The following EXT1 variants were observed in gnomAD, a reference collection of about 807,000 sequenced individuals.
EXT1 encodes the protein exostosin glycosyltransferase 1.
EXT1 carries 20 observed loss-of-function variants against 82.5 expected under a neutral mutation model. That is an observed-to-expected ratio of 0.24 (90% confidence interval 0.17 to 0.35). The LOEUF (loss-of-function observed/expected upper bound fraction) is 0.35, where lower values mean the gene tolerates loss of function less well. EXT1 is among the 10% of genes least tolerant of loss of function. The probability of loss-of-function intolerance (pLI) is 1.00; values close to 1 mark genes in which losing one functional copy is unlikely to be tolerated. For synonymous variants in EXT1, 348 were observed against 350.8 expected (o/e 0.99, Z 0.09); for missense variants, 757 against 936.5 (o/e 0.81, Z 2.50).
chr8:117,931,268 C>G lies in EXT1; in HGVS notation c.963-94067G>C, dbSNP rs554649119. Among the ~76,000 whole-genome samples, 16 of 152,332 alleles carry G rather than the reference C, an allele frequency of 1.1e-4. No homozygotes were observed. In the South Asian group the frequency reaches 3.3e-3, roughly 32 times the overall value. ...CTCTCACAAGATCCAAGAACTCTCA[C>G]TTGGCGTCTAGATGGAGGCCCCTTT... is the stretch of plus-strand genomic sequence containing the variant. On this transcript the variant is annotated intron_variant, in intron 1 of 10. Coordinates refer to ENST00000378204, the MANE Select transcript of EXT1 (RefSeq NM_000127.3).
Position 117,916,618 on chromosome 8 carries a change from C to T in EXT1, c.963-79417G>A, listed in dbSNP as rs1184223759. Among the ~76,000 whole-genome samples the T allele has an allele frequency of 3.9e-5, 6 of 152,138 alleles. No individual in the cohort carries two copies. The East Asian group carries it at 9.6e-4, about 24-fold the overall frequency. ...GTTCAGATTTCAGTTTAAAGTTTAA[C>T]AATACTGTTTAAGGATGGGTGCAGT... On this transcript the variant is annotated intron_variant, in intron 1 of 10. Coordinates refer to ENST00000378204, the MANE Select transcript of EXT1 (RefSeq NM_000127.3).
chr8:118,055,696 A>G (rs1343910581), intron 1 of EXT1, among the ~76,000 whole-genome samples: 3 of 152,228 alleles, frequency 2.0e-5, no homozygotes, highest in Non-Finnish European at 4.4e-5. Flanking sequence ...TATAAAATCA[A>G]TATAATAGAG....
Position 117,830,226 on chromosome 8 carries a change from T to C in EXT1, c.1284+4A>G. The C allele has an allele frequency of 6.2e-7, 1 of 1,613,966 alleles. No individual in the cohort carries two copies. The highest frequency in any genetic ancestry group is 8.5e-7 in the Non-Finnish European group (1 of 1,179,976). ...AAGCCCAAGAGCCAAGTGGTCTCAC[T>C]TACCTCTAGTGTAGTTAATACAATC... is the stretch of plus-strand genomic sequence containing the variant. On this transcript the variant is annotated splice_donor_region_variant and intron_variant, in intron 4 of 10. Coordinates refer to ENST00000378204, the MANE Select transcript of EXT1 (RefSeq NM_000127.3).
intron 1 of EXT1, among the ~76,000 whole-genome samples, chr8:118,023,069 G>T (rs1024535619): frequency 1.3e-5 from 2 of 152,138 alleles, no homozygotes; most frequent in Non-Finnish European, 2.9e-5. Context: ...TCAAGGCAAG[G>T]TCCCAATATT....
rs1330631748 is a variant in EXT1, at chr8:117,980,698, G to GTT, written c.962+129385_962+129386dup. Among the ~76,000 whole-genome samples the GTT allele has an allele frequency of 4.6e-5, 2 of 43,850 alleles. 1 individual carries two copies. Among genetic ancestry groups the GTT allele is most frequent in the Non-Finnish European group, 8.5e-5 (2 of 23,456 alleles). The allele number at this position is 43,850 out of a possible 152,430, so 28.8% of individuals were successfully genotyped here. A position where few individuals can be genotyped will look rare whatever the true frequency, so the allele number is the denominator to read the frequency against. On this transcript the variant is annotated intron_variant, in intron 1 of 10. Transcript: ENST00000378204. Reference sequence around the variant, plus strand: ...AGGTTTGTTTGTTCGGGTGTTGGTGGTTTTTTTTTTTTTTTTTTTTTTTTT... The same window carrying GTT: ...AGGTTTGTTTGTTCGGGTGTTGGTGGTTTTTTTTTTTTTTTTTTTTTTTTTTT...
intron 8 of EXT1, among the ~76,000 whole-genome samples, chr8:117,810,788 C>A (rs1586992044): frequency 6.6e-6 from 1 of 152,096 alleles, no homozygotes; most frequent in African/African-American, 2.4e-5. Flanking sequence ...GATAATGGAC[C>A]CCTATGGACT....
rs772967641 is a variant in EXT1 at position 118,110,300 on chromosome 8, C to T, written c.747G>A (p.Gly249=). 8 of 1,614,014 alleles carry T rather than the reference C, an allele frequency of 5.0e-6. No homozygotes were observed. The highest frequency in any genetic ancestry group is 3.3e-5 in the Admixed American group (2 of 60,008). The change falls in exon 1 of 11, where the codon GGG becomes GGA. Residue 249 remains glycine (G), a synonymous_variant. Coordinates refer to ENST00000378204, the MANE Select transcript of EXT1 (RefSeq NM_000127.3). Reference sequence around the variant, plus strand: ...GAGGGATGGTGTTGAACTTCAAAAACCCCCTCTCCCCTCCTGTCCTGGGAT... The same window carrying T: ...GAGGGATGGTGTTGAACTTCAAAAATCCCCTCTCCCCTCCTGTCCTGGGAT... ...KDHPRTGGER[G]FLKFNTIPPL...
chr8:117,919,695 G>A (rs531053383), intron 1 of EXT1, among the ~76,000 whole-genome samples: 1 of 152,030 alleles, frequency 6.6e-6, no homozygotes, highest in East Asian at 1.9e-4. Context: ...TGTAGAGATG[G>A]GATCTTGCCA....
At position 118,023,833 on chromosome 8, in the gene EXT1, G is replaced by A. The variant is rs112297245; in HGVS notation, c.962+86252C>T. Among the ~76,000 whole-genome samples the A allele has an allele frequency of 2.6e-3, 393 of 152,328 alleles. 3 individuals are homozygous for A. Among genetic ancestry groups the A allele is most frequent in the South Asian group, 0.016 (79 of 4,826 alleles). On this transcript the variant is annotated intron_variant, in intron 1 of 10. Coordinates refer to ENST00000378204, the MANE Select transcript of EXT1 (RefSeq NM_000127.3). ...AAGACTTGAGCACAGATACAGAGCCGCTCATTAACGATAATGCCAGTTCCA... is the reference window on the plus strand; with the variant it reads ...AAGACTTGAGCACAGATACAGAGCCACTCATTAACGATAATGCCAGTTCCA...
At chr8:117,845,092 AAG>A (rs1406334585) in intron 1 of EXT1, among the ~76,000 whole-genome samples, 1 of 152,188 alleles carries the variant, frequency 6.6e-6, no homozygotes, top group Non-Finnish European at 1.5e-5. Flanking sequence ...CTTTCCACAG[AAG>A]AGAGTCTCCT....
chr8:118,053,415 A>G (rs1421948063), intron 1 of EXT1, among the ~76,000 whole-genome samples: 2 of 152,192 alleles, frequency 1.3e-5, no homozygotes, highest in Non-Finnish European at 2.9e-5. Flanking sequence ...CTTCACTTTT[A>G]CATTATAATC....
intron 5 of EXT1, among the ~76,000 whole-genome samples, chr8:117,821,603 T>G (rs898844220): frequency 6.6e-6 from 1 of 152,240 alleles, no homozygotes; most frequent in African/African-American, 2.4e-5. Context: ...CTTCAGGCCA[T>G]GCATTTCTTT....
chr8:117,967,276 T>C (rs1477811974), intron 1 of EXT1, among the ~76,000 whole-genome samples: 1 of 152,238 alleles, frequency 6.6e-6, no homozygotes, highest in African/African-American at 2.4e-5. Flanking sequence ...TGCACCTGAA[T>C]GTCTGAGGAA....
chr8:117,926,672 T>C (rs1404066046), intron 1 of EXT1, among the ~76,000 whole-genome samples: 1 of 152,158 alleles, frequency 6.6e-6, no homozygotes, highest in African/African-American at 2.4e-5. Flanking sequence ...CGAAGCCACA[T>C]AGCGGATGAC....
chr8:117,930,619 A>G (rs1814041164), intron 1 of EXT1, among the ~76,000 whole-genome samples: 1 of 152,230 alleles, frequency 6.6e-6, no homozygotes, highest in Non-Finnish European at 1.5e-5. Flanking sequence ...CTATATTTAT[A>G]TAAGTAACAT....
intron 1 of EXT1, among the ~76,000 whole-genome samples, chr8:118,022,897 G>C (rs930293962): frequency 2.2e-4 from 33 of 152,162 alleles, no homozygotes; most frequent in African/African-American, 7.7e-4. Flanking sequence ...AACATTCACA[G>C]TATAAGGCTT....
intron 1 of EXT1, among the ~76,000 whole-genome samples, chr8:117,845,133 C>T (rs1315063143): frequency 1.3e-5 from 2 of 152,132 alleles, no homozygotes; most frequent in African/African-American, 4.8e-5. Flanking sequence ...TCCATTTCAG[C>T]ATAGGGAAGG....
intron 1 of EXT1, among the ~76,000 whole-genome samples, chr8:117,869,267 A>C (rs1812829140): frequency 6.6e-6 from 1 of 152,224 alleles, no homozygotes; most frequent in Non-Finnish European, 1.5e-5. Context: ...TAATACTGGA[A>C]CAGAAGTTCC....
chr8:117,883,306 T>A lies in EXT1; in HGVS notation c.963-46105A>T, dbSNP rs189834112. On this transcript the variant is annotated intron_variant, in intron 1 of 10. Transcript: ENST00000378204. Reference sequence around the variant, plus strand: ...AGCCTTTGAGGAGGAAAAAGTCAACTTTTAAGGTTCCATTTGTTTGACATC... The same window carrying A: ...AGCCTTTGAGGAGGAAAAAGTCAACATTTAAGGTTCCATTTGTTTGACATC... Among the ~76,000 whole-genome samples, 248 of 152,340 alleles carry A rather than the reference T, an allele frequency of 1.6e-3. 1 individual carries two copies. The highest frequency in any genetic ancestry group is 5.7e-3 in the African/African-American group (237 of 41,590).
Sources: gnomAD v4.1 joint callset for allele counts (sites outside exome capture counted in the v4.1 genomes callset) on GRCh38, gnomAD v4.1.1 for gene constraint, MANE v1.5 for transcripts, NCBI Gene and HGNC (gene_info 2026-07-23, HGNC 2026-07-21) for gene names.